The following GOSR2 variants were observed in gnomAD, a reference collection of about 807,000 sequenced individuals.
The protein encoded by GOSR2 is 27 kDa Golgi SNARE protein.
In GOSR2, 20 loss-of-function variants were observed where a neutral mutation model predicts 27.9. That is an observed-to-expected ratio of 0.72 (90% CI 0.50 to 1.04). The LOEUF is 1.04. GOSR2 is among the 50% of genes least tolerant of loss of function. The probability of loss-of-function intolerance (pLI) is 0.00; values close to 1 mark genes in which losing one functional copy is unlikely to be tolerated. For synonymous variants in GOSR2, 91 were observed against 98.8 expected (o/e 0.92, Z 0.47); for missense variants, 261 against 270.5 (o/e 0.97, Z 0.25).
Position 46,932,474 on chromosome 17 carries a change from A to G in GOSR2, c.336+275A>G, listed in dbSNP as rs2087550775. On this transcript the variant is annotated intron_variant, in intron 4 of 5. Transcript: ENST00000640051. Reference sequence around the variant, plus strand: ...CTGGTTGGGCTGGTCTGAGACAGAAAGGTGGAAGTTCACATGGTGGAAACG... The same window carrying G: ...CTGGTTGGGCTGGTCTGAGACAGAAGGGTGGAAGTTCACATGGTGGAAACG... 5.0e-6 allele frequency: 3 copies of G among 595,926 alleles called. No homozygotes were observed. In the East Asian group the frequency reaches 8.3e-5, roughly 16 times the overall value. The allele number at this position is 595,926 out of a possible 1,614,324, so 36.9% of individuals were successfully genotyped here.
At chr17:46,969,986 C>T (rs534611712), downstream of GOSR2, among the ~76,000 whole-genome samples, 69 of 152,240 alleles carry the variant, frequency 4.5e-4, no homozygotes, top group African/African-American at 1.1e-3. Flanking sequence ...AAGCAGACAC[C>T]GGGGGTCAAA....
chr17:46,949,812 G>T (rs1052447268), intron 6 of GOSR2, among the ~76,000 whole-genome samples: 3 of 152,196 alleles, frequency 2.0e-5, no homozygotes. Flanking sequence ...TAGCAAAGGG[G>T]TGTGCTCTGG....
chr17:46,929,487 G>C, intron 1 of GOSR2, 33 bp from the exon 2 acceptor site: 1 of 1,156,650 alleles, frequency 8.6e-7, no homozygotes, highest in Non-Finnish European at 1.3e-6. Context: ...GATTACTCCT[G>C]TCTCACTCAT....
chr17:46,951,916 A>T (rs907753570), intron 6 of GOSR2, among the ~76,000 whole-genome samples: 1 of 151,758 alleles, frequency 6.6e-6, no homozygotes, highest in Non-Finnish European at 1.5e-5. Context: ...CCTCCCTCAC[A>T]GCCCAGCTCC....
At position 46,932,161 on chromosome 17, in the gene GOSR2, C is replaced by T. The variant is rs759305157; in HGVS notation, c.298C>T (p.Gln100Ter). 1 of 1,614,148 alleles carries T rather than the reference C, an allele frequency of 6.2e-7. No individual in the cohort carries two copies. Among genetic ancestry groups the T allele is most frequent in the Non-Finnish European group, 8.5e-7 (1 of 1,180,020 alleles). ...RRHAREQQER[Q>*]REELLSRTFT... ...CCATGCAAGGGAGCAGCAGGAGAGA[C>T]AGCGAGAAGAGCTTCTGTCTCGAAC... The change falls in exon 4 of 6, where the codon CAG (glutamine) becomes TAG (stop). Residue 100 changes from glutamine (Q) to a stop codon, truncating the protein, a stop_gained. Transcript: ENST00000640051. LOFTEE classifies it high-confidence loss of function.
In GOSR2 at chr17:46,932,675, A is replaced by AGGGTTAGATGG. The variant is rs1228016656; in HGVS notation, c.336+476_336+477insGGGTTAGATGG. On this transcript the variant is annotated intron_variant, in intron 4 of 5. Transcript: ENST00000640051. ...GAGCAGCAATTTGGAGGAATTTGTT[A>AGGGTTAGATGG]ACAGATGTTTAGGGTTAGATGGACT... The AGGGTTAGATGG allele has an allele frequency of 2.8e-3, 663 of 238,358 alleles. 2 individuals carry two copies. Among genetic ancestry groups the AGGGTTAGATGG allele is most frequent in the African/African-American group, 0.014 (635 of 44,256 alleles). 14.8% of individuals were successfully genotyped at this position (238,358 alleles called of 1,614,324 possible). A position where few individuals can be genotyped will look rare whatever the true frequency, so the allele number is the denominator to read the frequency against.
intron 6 of GOSR2, among the ~76,000 whole-genome samples, chr17:46,972,795 C>T (rs549425716): frequency 1.1e-4 from 17 of 152,194 alleles, no homozygotes; most frequent in African/African-American, 3.9e-4. Context: ...TGTGGACGAG[C>T]GTCTCTGCAG....
At chr17:46,964,933 T>G (rs1483909586) in intron 6 of GOSR2, 2 of 152,228 alleles carry the variant, frequency 1.3e-5, no homozygotes, top group Non-Finnish European at 2.9e-5. Context: ...GACAGGAGCT[T>G]CCTACTTTCC....
At chr17:46,937,373 C>T (rs1054207767) in intron 5 of GOSR2, 3 of 152,088 alleles carry the variant, frequency 2.0e-5, no homozygotes, top group East Asian at 1.9e-4. Context: ...ACTAGAGAGC[C>T]GAGGACAAGT....
intron 6 of GOSR2, among the ~76,000 whole-genome samples, chr17:46,954,719 T>G (rs2090596757): frequency 6.6e-6 from 1 of 152,238 alleles, no homozygotes; most frequent in African/African-American, 2.4e-5. Context: ...TGGTTTGTAG[T>G]TCTCCTTGAA....
intron 6 of GOSR2, among the ~76,000 whole-genome samples, chr17:46,948,391 G>A (rs1429214381): frequency 6.6e-6 from 1 of 152,218 alleles, no homozygotes; most frequent in Non-Finnish European, 1.5e-5. Context: ...GTGTGATTGT[G>A]AGTCAAGGAT....
At chr17:46,931,957 G>A (rs2098790193) in intron 3 of GOSR2, 110 bp from the exon 4 acceptor site, 1 of 894,822 alleles carries the variant, frequency 1.1e-6, no homozygotes, top group Non-Finnish European at 1.9e-6. Flanking sequence ...GTGTGGGGTG[G>A]TGTAGGGAGA....
At chr17:46,974,351 G>A (rs1426158377) in intron 6 of GOSR2, among the ~76,000 whole-genome samples, 4 of 152,356 alleles carry the variant, frequency 2.6e-5, no homozygotes, top group African/African-American at 7.2e-5. Flanking sequence ...GCTTGGACAA[G>A]ATCAGTAAAC....
intron 6 of GOSR2, among the ~76,000 whole-genome samples, chr17:46,950,987 C>T (rs1270681343): frequency 6.6e-6 from 1 of 152,222 alleles, no homozygotes; most frequent in Non-Finnish European, 1.5e-5. Flanking sequence ...CACCATGCCA[C>T]GCTGTCCTAA....
chr17:46,927,447 T>C (rs1373884739), intron 1 of GOSR2, among the ~76,000 whole-genome samples: 6 of 152,222 alleles, frequency 3.9e-5, no homozygotes, highest in Non-Finnish European at 4.4e-5. Flanking sequence ...GATTTTGTCT[T>C]ATTTAAGAAA....
chr17:46,973,882 A>T (rs16941393), intron 6 of GOSR2, among the ~76,000 whole-genome samples: 16,472 of 151,944 alleles, frequency 0.11, 996 homozygotes, highest in Admixed American at 0.16. Flanking sequence ...TTTCTGCTGT[A>T]CCCGCCACCT....
Position 46,939,410 on chromosome 17 carries a change from A to C in GOSR2, c.*650A>C. 3 of 994,576 alleles carry C rather than the reference A, an allele frequency of 3.0e-6. No individual in the cohort carries two copies. The highest frequency in any genetic ancestry group is 3.6e-6 in the Non-Finnish European group (3 of 834,166). The allele number at this position is 994,576 out of a possible 1,614,324, so 61.6% of individuals were successfully genotyped here. A position where few individuals can be genotyped will look rare whatever the true frequency, so the allele number is the denominator to read the frequency against. On this transcript the variant is annotated 3_prime_UTR_variant, in exon 6 of 6. Coordinates refer to ENST00000640051, the MANE Select transcript of GOSR2 (RefSeq NM_004287.5). Reference sequence around the variant, plus strand: ...CTACAGCTGGGTGTTTCTCTTTTCTAAAGTGAGGCCAGTGTTATTTCCCGG... The same window carrying C: ...CTACAGCTGGGTGTTTCTCTTTTCTCAAGTGAGGCCAGTGTTATTTCCCGG...
intron 6 of GOSR2, among the ~76,000 whole-genome samples, chr17:46,956,113 G>A (rs1313907659): frequency 6.6e-6 from 1 of 152,046 alleles, no homozygotes; most frequent in Non-Finnish European, 1.5e-5. Context: ...GTTAGCAGGA[G>A]GGTCCATCTT....
chr17:46,928,057 A>G (rs2086753828), intron 1 of GOSR2, among the ~76,000 whole-genome samples: 1 of 151,672 alleles, frequency 6.6e-6, no homozygotes, highest in Non-Finnish European at 1.5e-5. Context: ...CTGCATTCCT[A>G]CATCAGCCCC....
Sources: allele counts gnomAD v4.1 joint callset (sites outside exome capture counted in the v4.1 genomes callset), GRCh38; gene constraint gnomAD v4.1.1; transcripts MANE v1.5; gene names NCBI Gene and HGNC (gene_info 2026-07-23, HGNC 2026-07-21).